The following TBC1D9 variants were observed in gnomAD, a reference collection of about 807,000 sequenced individuals.
TBC1D9 encodes TBC1 domain family member 9A.
TBC1D9 carries 63 observed loss-of-function variants against 132.0 expected under a neutral mutation model. That is an observed-to-expected ratio of 0.48 (90% CI 0.39 to 0.59). TBC1D9 has a LOEUF of 0.59. Ranked by LOEUF, TBC1D9 falls within the 20% of genes least tolerant of loss-of-function variation. The probability of loss-of-function intolerance (pLI) is 0.00; values close to 1 mark genes in which losing one functional copy is unlikely to be tolerated. For missense variants in TBC1D9, 1,261 were observed against 1,592.7 expected, an observed-to-expected ratio of 0.79 and a Z score of 3.54; for synonymous variants, 610 against 609.9, an observed-to-expected ratio of 1.00 and a Z score of 0.00.
chr4:140,730,023 A>G (rs1738563374), intron 1 of TBC1D9, among the ~76,000 whole-genome samples: 1 of 152,134 alleles, frequency 6.6e-6, no homozygotes, highest in South Asian at 2.1e-4. Context: ...AGCAAGAGCC[A>G]GGGTTTATGC....
intron 13 of TBC1D9, chr4:140,645,328 G>A: frequency 2.0e-6 from 1 of 500,608 alleles, no homozygotes; most frequent in Non-Finnish European, 3.9e-6. Context: ...GCCCCAGCCA[G>A]CCACTGCTGC....
Position 140,679,187 on chromosome 4 carries a change from C to A in TBC1D9, c.606G>T (p.Arg202=). 1 of 1,613,248 alleles carries A rather than the reference C, an allele frequency of 6.2e-7. No homozygotes were observed. Among genetic ancestry groups the A allele is most frequent in the African/African-American group, 1.3e-5 (1 of 75,024 alleles). ...TCTCAAGCTGAGTGATGTCTACCCACCGGATGACCAGTTTCGCTGAGCACA... is the reference window on the plus strand; with the variant it reads ...TCTCAAGCTGAGTGATGTCTACCCAACGGATGACCAGTTTCGCTGAGCACA... ...LMGREAKLVI[R]WVDITQLEKN... Residue 202 remains arginine, a synonymous_variant, in exon 5 of 21, where the codon CGG becomes CGT. Coordinates refer to ENST00000442267, the MANE Select transcript of TBC1D9 (RefSeq NM_015130.3).
chr4:140,754,661 T>C (rs1191983383), intron 1 of TBC1D9, among the ~76,000 whole-genome samples: 1 of 147,370 alleles, frequency 6.8e-6, no homozygotes, highest in African/African-American at 2.5e-5. Context: ...GTGGGCTGAT[T>C]CCAATATTAG....
intron 1 of TBC1D9, among the ~76,000 whole-genome samples, chr4:140,721,241 A>G (rs1302393964): frequency 1.3e-5 from 2 of 152,224 alleles, no homozygotes; most frequent in African/African-American, 4.8e-5. Context: ...TACGCCACAC[A>G]TACACTATTT....
chr4:140,654,681 T>C (rs1202993009), intron 13 of TBC1D9, among the ~76,000 whole-genome samples: 1 of 152,196 alleles, frequency 6.6e-6, no homozygotes, highest in Admixed American at 6.5e-5. Flanking sequence ...CTTTTTTAAA[T>C]GCATATGGAA....
At chr4:140,721,172 G>A (rs1738418030) in intron 1 of TBC1D9, among the ~76,000 whole-genome samples, 1 of 152,094 alleles carries the variant, frequency 6.6e-6, no homozygotes, top group East Asian at 1.9e-4. Flanking sequence ...TATAAATCTT[G>A]TTTATATTCT....
At chr4:140,735,440 G>T (rs1738658124) in intron 1 of TBC1D9, among the ~76,000 whole-genome samples, 1 of 152,206 alleles carries the variant, frequency 6.6e-6, no homozygotes, top group Non-Finnish European at 1.5e-5. Flanking sequence ...AGCTGGGCAT[G>T]GTAGCTCACG....
intron 2 of TBC1D9, among the ~76,000 whole-genome samples, chr4:140,694,073 A>G (rs1737915080): frequency 6.6e-6 from 1 of 152,126 alleles, no homozygotes; most frequent in Non-Finnish European, 1.5e-5. Flanking sequence ...TGCTATTTTA[A>G]TTATATGTAT....
At position 140,669,819 on chromosome 4, in the gene TBC1D9, A is replaced by T; in HGVS notation, c.1267-15T>A. ...CGAGAGTACACCTGTCAATACAGAG[A>T]GGAACAAGACATTGGGAGGACACGG... On this transcript the variant is annotated splice_polypyrimidine_tract_variant and intron_variant, in intron 7 of 20. Transcript: ENST00000442267. 6.2e-7 allele frequency: 1 copy of T among 1,605,292 alleles called. No individual in the cohort carries two copies. The highest frequency in any genetic ancestry group is 1.7e-5 in the Admixed American group (1 of 59,900).
At chr4:140,631,838 C>G (rs1290977446) in intron 16 of TBC1D9, among the ~76,000 whole-genome samples, 1 of 152,150 alleles carries the variant, frequency 6.6e-6, no homozygotes, top group Admixed American at 6.5e-5. Flanking sequence ...CTCAAGTGAT[C>G]CACCCACCTC....
At chr4:140,696,613 C>A (rs1396493751) in intron 2 of TBC1D9, among the ~76,000 whole-genome samples, 1 of 152,134 alleles carries the variant, frequency 6.6e-6, no homozygotes, top group Non-Finnish European at 1.5e-5. Context: ...CAAAACAGTC[C>A]TCCTGCCTGA....
intron 2 of TBC1D9, among the ~76,000 whole-genome samples, chr4:140,692,375 T>C (rs1408894350): frequency 6.6e-6 from 1 of 152,184 alleles, no homozygotes; most frequent in Admixed American, 6.5e-5. Flanking sequence ...TATGGCCTTA[T>C]CCAATATAAT....
intron 3 of TBC1D9, among the ~76,000 whole-genome samples, chr4:140,681,552 A>G (rs1194272576): frequency 6.6e-5 from 10 of 152,182 alleles, no homozygotes; most frequent in Non-Finnish European, 1.5e-4. Flanking sequence ...CGATGCAAGC[A>G]CAGCCCCAAG....
At chr4:140,697,946 C>T (rs1416743944) in intron 2 of TBC1D9, among the ~76,000 whole-genome samples, 1 of 152,148 alleles carries the variant, frequency 6.6e-6, no homozygotes, top group Non-Finnish European at 1.5e-5. Context: ...TGCAAAGGAT[C>T]TCGCAGGCAG....
intron 15 of TBC1D9, among the ~76,000 whole-genome samples, chr4:140,635,431 G>A (rs1015497892): frequency 2.0e-5 from 3 of 152,132 alleles, no homozygotes; most frequent in African/African-American, 4.8e-5. Context: ...GCAGTGACCC[G>A]GGATGGTGCC....
chr4:140,648,533 G>A (rs897810684), intron 13 of TBC1D9, among the ~76,000 whole-genome samples: 1 of 151,866 alleles, frequency 6.6e-6, no homozygotes, highest in Non-Finnish European at 1.5e-5. Flanking sequence ...CTACAGGCAT[G>A]TGCCACTACG....
At chr4:140,717,967 T>C (rs1202225789) in intron 1 of TBC1D9, among the ~76,000 whole-genome samples, 1 of 152,196 alleles carries the variant, frequency 6.6e-6, no homozygotes, top group Non-Finnish European at 1.5e-5. Context: ...AACACTATCA[T>C]TTTCTAAGTA....
intron 1 of TBC1D9, among the ~76,000 whole-genome samples, chr4:140,713,571 CA>C (rs1363257011): frequency 6.6e-6 from 1 of 151,212 alleles, no homozygotes; most frequent in Admixed American, 6.6e-5. Context: ...TTTGTCTCTA[CA>C]AAAAAAATAT....
At chr4:140,748,738 C>T (rs565694497) in intron 1 of TBC1D9, among the ~76,000 whole-genome samples, 7 of 152,198 alleles carry the variant, frequency 4.6e-5, no homozygotes, top group Admixed American at 4.6e-4. Context: ...ATAATAAAGA[C>T]ATTTGGAGAC....
Sources: allele counts gnomAD v4.1 joint callset (sites outside exome capture counted in the v4.1 genomes callset), GRCh38; gene constraint gnomAD v4.1.1; transcripts MANE v1.5; gene names NCBI Gene and HGNC (gene_info 2026-07-23, HGNC 2026-07-21).